Variants in NFATC1 observed in about 807,000 individuals in gnomAD.
NFATC1 encodes the protein nuclear factor of activated T-cells, cytoplasmic 1.
A neutral mutation model predicts 76.0 loss-of-function variants in NFATC1; 22 were observed. The observed-to-expected ratio is 0.29, with a 90% CI of 0.21 to 0.41. NFATC1 has a LOEUF of 0.41. Ranked by LOEUF, NFATC1 falls within the 10% of genes least tolerant of loss-of-function variation. The pLI, the probability that NFATC1 is intolerant of heterozygous loss-of-function variation, is 1.00. For synonymous variants in NFATC1, 704 were observed against 613.1 expected (o/e 1.15, Z -2.19); for missense variants, 1,357 against 1,337.7 (o/e 1.01, Z -0.23).
At chr18:79,438,706 C>T (rs1217894935) in intron 3 of NFATC1, among the ~76,000 whole-genome samples, 6 of 152,240 alleles carry the variant, frequency 3.9e-5, no homozygotes, top group Non-Finnish European at 5.9e-5. Context: ...CTGCCTCAGC[C>T]GCGCGGGTGA....
chr18:79,445,542 C>T (rs551498318), intron 3 of NFATC1, among the ~76,000 whole-genome samples: 13 of 152,200 alleles, frequency 8.5e-5, no homozygotes, highest in African/African-American at 7.2e-5. Context: ...AGAAGAGGAC[C>T]CTAGACGCTG....
At chr18:79,458,345 GGAGACGCCGTGGGGAGCAGGGCTC>G (rs1241871591) in intron 6 of NFATC1, among the ~76,000 whole-genome samples, 1 of 152,158 alleles carries the variant, frequency 6.6e-6, no homozygotes, top group Admixed American at 6.5e-5. Context: ...GAGCAGGGCA[GGAGACGCCGTGGGGAGCAGGGCTC>G]GAGGGCACCG....
At position 79,521,917 on chromosome 18, in the gene NFATC1, T is replaced by G. The variant is rs149065735; in HGVS notation, c.2783-5611T>G. ...CCACTGATGTGTATGTCTGTGTGTGTGGGGGCGTCTGCTGATGTGTGTGTT... is the reference window on the plus strand; with the variant it reads ...CCACTGATGTGTATGTCTGTGTGTGGGGGGGCGTCTGCTGATGTGTGTGTT... On this transcript the variant is annotated intron_variant, in intron 9 of 9. Transcript: ENST00000427363. Among the ~76,000 whole-genome samples the G allele has an allele frequency of 3.3e-3, 307 of 92,762 alleles. 4 individuals are homozygous for G. The East Asian group carries it at 0.038, about 12-fold the overall frequency. The allele number at this position is 92,762 out of a possible 152,430, so 60.9% of individuals were successfully genotyped here. A position where few individuals can be genotyped will look rare whatever the true frequency, so the allele number is the denominator to read the frequency against.
chr18:79,473,858 CGTT>C (rs200283436), intron 8 of NFATC1, among the ~76,000 whole-genome samples: 19 of 147,538 alleles, frequency 1.3e-4, no homozygotes, highest in Non-Finnish European at 1.8e-4. Context: ...TCACTGTCAA[CGTT>C]GTAAACCTGA....
At chr18:79,458,500 G>A (rs1187986164) in intron 6 of NFATC1, among the ~76,000 whole-genome samples, 1 of 152,226 alleles carries the variant, frequency 6.6e-6, no homozygotes, top group African/African-American at 2.4e-5. Context: ...GTCCTGGCCG[G>A]TCTGGGAGGC....
At position 79,524,022 on chromosome 18, in the gene NFATC1, A is replaced by G. The variant is rs2090682944; in HGVS notation, c.2783-3506A>G. ...GCTGAATAAGAAGATGGAAATTATCAGCAGAGAGAGCTGGTATGGGAAACC... is the reference window on the plus strand; with the variant it reads ...GCTGAATAAGAAGATGGAAATTATCGGCAGAGAGAGCTGGTATGGGAAACC... On this transcript the variant is annotated intron_variant, in intron 9 of 9. Transcript: ENST00000427363. The surrounding 1 kb of genome is among the most constrained non-coding windows in gnomAD (Gnocchi z 7.2). 1 of 152,392 alleles carries G rather than the reference A, an allele frequency of 6.6e-6. No individual in the cohort carries two copies. Among genetic ancestry groups the G allele is most frequent in the African/African-American group, 2.4e-5 (1 of 41,594 alleles). The allele number at this position is 152,392 out of a possible 1,614,324, so 9.4% of individuals were successfully genotyped here.
Position 79,524,340 on chromosome 18 carries a change from C to T in NFATC1, c.2783-3188C>T, listed in dbSNP as rs1000905181. On this transcript the variant is annotated intron_variant, in intron 9 of 9. Transcript: ENST00000427363. This position sits in a 1 kb window ranked among gnomAD's most constrained non-coding sequence, Gnocchi z 7.2. The stretch of plus-strand genomic sequence containing the variant: ...CGAGCACGGCTCCACGTACGGCTCT[C>T]GTCCGCGGTGTGGATGGGTGGGCGG... Among the ~76,000 whole-genome samples the T allele has an allele frequency of 1.3e-5, 2 of 152,218 alleles. No homozygotes were observed. The highest frequency in any genetic ancestry group is 1.5e-5 in the Non-Finnish European group (1 of 68,032).
chr18:79,449,010 C>T (rs780628724), intron 4 of NFATC1, 26 bp downstream of exon 4: 41 of 1,609,088 alleles, frequency 2.5e-5, no homozygotes, highest in Non-Finnish European at 3.4e-5. Context: ...CCTCCGGCCT[C>T]TGGCAGGGGG....
chr18:79,488,655 G>C (rs967511067), intron 9 of NFATC1, among the ~76,000 whole-genome samples: 1 of 152,364 alleles, frequency 6.6e-6, no homozygotes, highest in East Asian at 1.9e-4. Context: ...AGCCTCCTGA[G>C]CACAGATGGA....
intron 2 of NFATC1, among the ~76,000 whole-genome samples, chr18:79,425,119 C>T (rs1456116124): frequency 6.6e-6 from 1 of 151,010 alleles, no homozygotes; most frequent in African/African-American, 2.5e-5. Flanking sequence ...CTCTGTCGCT[C>T]TGTCTCTCTC....
At position 79,486,197 on chromosome 18, in the gene NFATC1, C is replaced by T. The variant is rs1423495311; in HGVS notation, c.2093-51C>T. Reference sequence around the variant, plus strand: ...TGCCCCAGCCACAAGCCTGCCTGATCACACTCATTCGCAACTTGTGTTTAT... The same window carrying T: ...TGCCCCAGCCACAAGCCTGCCTGATTACACTCATTCGCAACTTGTGTTTAT... On this transcript the variant is annotated intron_variant, in intron 8 of 9. Coordinates refer to ENST00000427363, the MANE Select transcript of NFATC1 (RefSeq NM_001278669.2). 3 of 1,532,668 alleles carry T rather than the reference C, an allele frequency of 2.0e-6. No individual in the cohort carries two copies. The Admixed American group carries it at 5.4e-5, about 27-fold the overall frequency. 94.9% of individuals were successfully genotyped at this position (1,532,668 alleles called of 1,614,324 possible).
chr18:79,431,712 G>GC, intron 2 of NFATC1, among the ~76,000 whole-genome samples: 1 of 151,306 alleles, frequency 6.6e-6, no homozygotes, highest in East Asian at 1.9e-4. Flanking sequence ...GTTGTTTGTT[G>GC]TTTTTTTTTA....
chr18:79,436,561 T>C (rs1424357828), intron 3 of NFATC1, among the ~76,000 whole-genome samples: 9 of 152,158 alleles, frequency 5.9e-5, no homozygotes, highest in African/African-American at 2.2e-4. Context: ...CCACGCCCGC[T>C]GTCTCCGTCC....
At chr18:79,398,498 C>T (rs1311121225) in intron 1 of NFATC1, among the ~76,000 whole-genome samples, 1 of 152,240 alleles carries the variant, frequency 6.6e-6, no homozygotes, top group Non-Finnish European at 1.5e-5. Context: ...GGACCAATAG[C>T]TCTGAACCAT....
At chr18:79,439,023 A>G (rs3786185) in intron 3 of NFATC1, among the ~76,000 whole-genome samples, 39,027 of 152,060 alleles carry the variant, frequency 0.26, 5,321 homozygotes, top group African/African-American at 0.35. Context: ...GGTTCTGACT[A>G]ATTCTCACTT....
chr18:79,516,777 C>T (rs980451568), intron 9 of NFATC1, among the ~76,000 whole-genome samples: 10 of 152,224 alleles, frequency 6.6e-5, no homozygotes, highest in African/African-American at 2.2e-4. Flanking sequence ...GCATCAGACA[C>T]GATATACGTA....
At chr18:79,483,623 G>T (rs544973959) in intron 8 of NFATC1, among the ~76,000 whole-genome samples, 2 of 140,592 alleles carry the variant, frequency 1.4e-5, no homozygotes, top group South Asian at 2.3e-4. Flanking sequence ...CGTTCCTGGG[G>T]CGTCACTCTG....
chr18:79,422,066 C>A (rs1374220432), intron 2 of NFATC1: 1 of 152,178 alleles, frequency 6.6e-6, no homozygotes, highest in East Asian at 1.9e-4. Flanking sequence ...CCGTGAATCA[C>A]CTAGGCTGCT....
At chr18:79,490,912 C>T (rs1167028265) in intron 9 of NFATC1, among the ~76,000 whole-genome samples, 1 of 152,070 alleles carries the variant, frequency 6.6e-6, no homozygotes, top group Non-Finnish European at 1.5e-5. Context: ...TGGGTTATGT[C>T]GGGAAAGCCT....
Sources: allele counts gnomAD v4.1 joint callset (sites outside exome capture counted in the v4.1 genomes callset), GRCh38; gene constraint gnomAD v4.1.1; non-coding constraint Gnocchi (gnomAD v3.1); transcripts MANE v1.5; gene names NCBI Gene and HGNC (gene_info 2026-07-23, HGNC 2026-07-21).